TCF20: variants seen among roughly 807,000 people sequenced by gnomAD.
TCF20 encodes transcription factor 20.
In TCF20, 3 loss-of-function variants were observed where a neutral mutation model predicts 148.6. The ratio of observed to expected loss-of-function variants is 0.02; its 90% CI spans 0.01 to 0.05. TCF20 has a LOEUF of 0.05. Among genes scored for constraint, TCF20 ranks in the 10% least tolerant of loss-of-function variants. TCF20 has a pLI of 1.00. For missense variants in TCF20, 2,350 were observed against 2,429.3 expected (o/e 0.97, Z 0.69); for synonymous variants, 1,049 against 909.5 (o/e 1.15, Z -2.76).
intron 1 of TCF20, among the ~76,000 whole-genome samples, chr22:42,258,720 T>C (rs117818870): frequency 0.012 from 1,810 of 152,258 alleles, 15 homozygotes; most frequent in Non-Finnish European, 0.017. Flanking sequence ...TGCCCAATTA[T>C]AGGCTCATGT....
At chr22:42,216,079 C>CTTTTTTTGTTTTTT (rs1921753937) in intron 1 of TCF20, among the ~76,000 whole-genome samples, 1 of 50,564 alleles carries the variant, frequency 2.0e-5, no homozygotes, top group African/African-American at 8.5e-5. Context: ...AAACCAAATC[C>CTTTTTTTGTTTTTT]TTTTTTTTTT....
At chr22:42,263,170 C>T (rs949478739) in intron 1 of TCF20, among the ~76,000 whole-genome samples, 1 of 152,190 alleles carries the variant, frequency 6.6e-6, no homozygotes, top group Non-Finnish European at 1.5e-5. Flanking sequence ...AGTGATGGAG[C>T]CAGGATGAGG....
chr22:42,225,242 T>G (rs948817889), intron 1 of TCF20, among the ~76,000 whole-genome samples: 1 of 152,084 alleles, frequency 6.6e-6, no homozygotes, highest in African/African-American at 2.4e-5. Flanking sequence ...GTGATCCACC[T>G]GTCTTGGCTT....
At chr22:42,217,500 T>C (rs1384234941) in intron 1 of TCF20, among the ~76,000 whole-genome samples, 1 of 152,210 alleles carries the variant, frequency 6.6e-6, no homozygotes, top group Admixed American at 6.5e-5. Flanking sequence ...GTCTCTCCTC[T>C]GACTAAAATG....
At chr22:42,165,286 C>T (rs146239411) in intron 5 of TCF20, among the ~76,000 whole-genome samples, 159 of 152,356 alleles carry the variant, frequency 1.0e-3, no homozygotes, top group African/African-American at 3.7e-3. Context: ...CGTTCCCTGC[C>T]TTGCTCAGCG....
upstream of TCF20, among the ~76,000 whole-genome samples, chr22:42,288,293 G>T (rs868428671): frequency 4.6e-5 from 7 of 152,052 alleles, no homozygotes; most frequent in Middle Eastern, 3.4e-3. Flanking sequence ...ATCCCAGAAC[G>T]TTGGGAGGCC....
intron 1 of TCF20, among the ~76,000 whole-genome samples, chr22:42,334,954 A>G (rs1928040160): frequency 6.6e-6 from 1 of 152,130 alleles, no homozygotes; most frequent in South Asian, 2.1e-4. Context: ...CCAGGACCCA[A>G]GACTCCACAC....
intron 1 of TCF20, among the ~76,000 whole-genome samples, chr22:42,257,616 A>T (rs1925809648): frequency 6.6e-6 from 1 of 152,212 alleles, no homozygotes; most frequent in Non-Finnish European, 1.5e-5. Context: ...ATAAAAGCAA[A>T]ACACAGCCCT....
chr22:42,283,517 C>A (rs909731084), intron 1 of TCF20, among the ~76,000 whole-genome samples: 1 of 152,178 alleles, frequency 6.6e-6, no homozygotes, highest in Non-Finnish European at 1.5e-5. Context: ...CCCCTCGGGC[C>A]CCTCCTCTCC....
chr22:42,200,667 T>TCA (rs1271624127), intron 2 of TCF20, among the ~76,000 whole-genome samples: 2 of 145,928 alleles, frequency 1.4e-5, no homozygotes, highest in Non-Finnish European at 1.5e-5. Context: ...AAAAAGTCTA[T>TCA]CAACTTTGAA....
intron 2 of TCF20, among the ~76,000 whole-genome samples, chr22:42,186,731 A>G (rs1243505263): frequency 6.6e-6 from 1 of 152,150 alleles, no homozygotes; most frequent in East Asian, 1.9e-4. Flanking sequence ...ACTATTTACT[A>G]TTACTTTCAT....
chr22:42,234,757 CA>C (rs1426115609), intron 1 of TCF20, among the ~76,000 whole-genome samples: 2 of 152,066 alleles, frequency 1.3e-5, no homozygotes, highest in Non-Finnish European at 2.9e-5. Context: ...TCTAAGTATC[CA>C]AGAAGAGCAT....
chr22:42,227,262 G>A (rs1922993692), intron 1 of TCF20, among the ~76,000 whole-genome samples: 2 of 152,234 alleles, frequency 1.3e-5, no homozygotes, highest in Admixed American at 6.5e-5. Flanking sequence ...GGGAGACAGA[G>A]CAACAGCCTC....
At chr22:42,201,209 T>A (rs914089545) in intron 2 of TCF20, among the ~76,000 whole-genome samples, 5 of 152,238 alleles carry the variant, frequency 3.3e-5, no homozygotes, top group African/African-American at 1.2e-4. Context: ...GATGCAGGCA[T>A]CATGCTTCCT....
intron 2 of TCF20, among the ~76,000 whole-genome samples, chr22:42,192,777 C>CA (rs2147134077): frequency 6.6e-6 from 1 of 152,306 alleles, no homozygotes; most frequent in South Asian, 2.1e-4. Flanking sequence ...AGGTCATGCT[C>CA]AAACCGGGGC....
intron 2 of TCF20, among the ~76,000 whole-genome samples, chr22:42,188,993 G>T (rs919958619): frequency 6.6e-6 from 1 of 152,168 alleles, no homozygotes; most frequent in Non-Finnish European, 1.5e-5. Context: ...GTCATAAAGA[G>T]TGAGTAAGAG....
rs1928116910 is a variant in TCF20 at position 42,338,975 on chromosome 22, G to T, written c.-37+4504C>A. Among the ~76,000 whole-genome samples, 1 of 152,138 alleles carries T rather than the reference G, an allele frequency of 6.6e-6. No homozygotes were observed. Among genetic ancestry groups the T allele is most frequent in the South Asian group, 2.1e-4 (1 of 4,832 alleles). On this transcript the variant is annotated intron_variant, in intron 1 of 1. Transcript: ENST00000515426. The surrounding 1 kb of genome is among the most constrained non-coding windows in gnomAD (Gnocchi z 4.0). ...CATCTATATCCAGGGAGACAGGGTT[G>T]TTCCAGAAGGCATCCAGCCCTTTAA...
intron 2 of TCF20, among the ~76,000 whole-genome samples, chr22:42,191,509 G>T (rs1260404686): frequency 6.6e-6 from 1 of 152,064 alleles, no homozygotes; most frequent in East Asian, 1.9e-4. Flanking sequence ...GGCTGGTCTC[G>T]AACTCCTGAC....
At chr22:42,296,112 G>A (rs1927232476) in intron 1 of TCF20, among the ~76,000 whole-genome samples, 2 of 152,258 alleles carry the variant, frequency 1.3e-5, no homozygotes, top group Non-Finnish European at 2.9e-5. Context: ...GGACTACCGA[G>A]TGAAGATGTG....
Sources: allele counts gnomAD v4.1 joint callset (sites outside exome capture counted in the v4.1 genomes callset), GRCh38; gene constraint gnomAD v4.1.1; non-coding constraint Gnocchi (gnomAD v3.1); transcripts MANE v1.5; gene names NCBI Gene and HGNC (gene_info 2026-07-23, HGNC 2026-07-21).